The following CSMD3 variants were observed in gnomAD, a reference collection of about 807,000 sequenced individuals.
CSMD3 encodes CUB and Sushi multiple domains 3, also known as CUB and sushi domain-containing protein 3.
In CSMD3, 177 loss-of-function variants were observed where a neutral mutation model predicts 435.2. That is an observed-to-expected ratio of 0.41 (90% CI 0.36 to 0.46). The LOEUF is 0.46. Ranked by LOEUF, CSMD3 falls within the 20% of genes least tolerant of loss-of-function variation. CSMD3 has a pLI of 0.34. For missense variants in CSMD3, 4,265 were observed against 4,504.6 expected (o/e 0.95, Z 1.52); for synonymous variants, 1,656 against 1,520.5 (o/e 1.09, Z -2.07).
At chr8:113,225,651 T>G (rs1226268686) in intron 3 of CSMD3, among the ~76,000 whole-genome samples, 1 of 151,516 alleles carries the variant, frequency 6.6e-6, no homozygotes, top group African/African-American at 2.4e-5. Context: ...ATAGACAAAT[T>G]TCTTTGAGCG....
At chr8:112,468,398 C>T (rs1404830360) in intron 32 of CSMD3, among the ~76,000 whole-genome samples, 3 of 152,028 alleles carry the variant, frequency 2.0e-5, no homozygotes, top group Admixed American at 2.0e-4. Flanking sequence ...TTATACTCTA[C>T]TTTGACTGTC....
At chr8:112,566,673 C>T (rs7828694) in intron 24 of CSMD3, among the ~76,000 whole-genome samples, 7,502 of 150,816 alleles carry the variant, frequency 0.05, 226 homozygotes, top group African/African-American at 0.088. Context: ...GCAGTTGTGC[C>T]AATAGAAAAA....
chr8:113,040,618 C>A (rs1478216668), intron 5 of CSMD3, among the ~76,000 whole-genome samples: 4 of 152,016 alleles, frequency 2.6e-5, no homozygotes, highest in African/African-American at 9.7e-5. Context: ...TTGGTCTAAG[C>A]AATTGGAGAG....
intron 6 of CSMD3, among the ~76,000 whole-genome samples, chr8:112,977,968 A>T (rs1030147780): frequency 6.6e-6 from 1 of 151,998 alleles, no homozygotes; most frequent in African/African-American, 2.4e-5. Context: ...TAAACTGTAC[A>T]TTTGTGATGT....
chr8:112,903,829 T>C (rs1445097888), intron 10 of CSMD3, among the ~76,000 whole-genome samples: 2 of 151,336 alleles, frequency 1.3e-5, no homozygotes, highest in East Asian at 2.0e-4. Flanking sequence ...TTTTCTACCT[T>C]TATTCCGAAA....
At chr8:113,333,098 A>G (rs556328350) in intron 1 of CSMD3, among the ~76,000 whole-genome samples, 1 of 151,732 alleles carries the variant, frequency 6.6e-6, no homozygotes, top group Non-Finnish European at 1.5e-5. Flanking sequence ...TATTTAAAAA[A>G]ACACTTTCAT....
At chr8:112,463,345 G>A (rs529433342) in intron 32 of CSMD3, among the ~76,000 whole-genome samples, 2 of 151,896 alleles carry the variant, frequency 1.3e-5, no homozygotes, top group East Asian at 3.9e-4. Flanking sequence ...CTGGGCAACA[G>A]AGTAAGACTC....
chr8:112,710,015 G>A (rs1002199867), intron 13 of CSMD3, among the ~76,000 whole-genome samples: 12 of 152,140 alleles, frequency 7.9e-5, no homozygotes, highest in African/African-American at 2.4e-4. Flanking sequence ...CCTTAAGGAC[G>A]TGTAAGCCAT....
chr8:113,240,785 C>T (rs565715219), intron 3 of CSMD3, among the ~76,000 whole-genome samples: 1 of 152,196 alleles, frequency 6.6e-6, no homozygotes, highest in South Asian at 2.1e-4. Context: ...CTTTTCACTT[C>T]CAAATTATTC....
chr8:113,311,859 A>G (rs2093871918), intron 2 of CSMD3: 1 of 152,158 alleles, frequency 6.6e-6, no homozygotes, highest in African/African-American at 2.4e-5. Flanking sequence ...AGACTATATT[A>G]TAACATAGAC....
chr8:112,702,162 A>G (rs1038451858), intron 13 of CSMD3, among the ~76,000 whole-genome samples: 1 of 152,140 alleles, frequency 6.6e-6, no homozygotes, highest in African/African-American at 2.4e-5. Flanking sequence ...TCTTACATTT[A>G]ATCCTGACAC....
chr8:113,310,403 G>GA (rs1388074696), intron 2 of CSMD3: 4 of 151,580 alleles, frequency 2.6e-5, no homozygotes, highest in African/African-American at 9.7e-5. Flanking sequence ...TATTTGTGCA[G>GA]AAAAAACAGC....
At chr8:113,264,877 C>T (rs527768888) in intron 3 of CSMD3, among the ~76,000 whole-genome samples, 22 of 151,682 alleles carry the variant, frequency 1.5e-4, no homozygotes, top group Non-Finnish European at 1.8e-4. Flanking sequence ...ATGTATTAAA[C>T]CATTCCTCAT....
chr8:112,265,990 G>A (rs73709204), intron 59 of CSMD3, among the ~76,000 whole-genome samples: 1 of 151,838 alleles, frequency 6.6e-6, no homozygotes, highest in Non-Finnish European at 1.5e-5. Context: ...AATTTATCAG[G>A]CATGCTGGAT....
In CSMD3 at chr8:113,034,302, G is replaced by GT. The variant is rs534677188; in HGVS notation, c.918-15124dup. On this transcript the variant is annotated intron_variant, in intron 5 of 70. Transcript: ENST00000297405. ...ACCCAAAACTGGAAACAGCCCAATT[G>GT]TTCATCAACTGATGAATGTATACAC... 1.5e-4 allele frequency among the ~76,000 whole-genome samples: 22 copies of GT among 150,538 alleles called. No individual in the cohort carries two copies. The East Asian group carries it at 4.3e-3, about 29-fold the overall frequency.
rs564000978 is a variant in CSMD3 at position 113,197,783 on chromosome 8, A to C, written c.515-23867T>G. 4.0e-4 allele frequency among the ~76,000 whole-genome samples: 61 copies of C among 151,314 alleles called. 1 individual carries two copies. In the South Asian group the frequency reaches 0.012, roughly 30 times the overall value. ...GTAAACATCATATAATCATTTTATG[A>C]CAATCTTAATAGTTCAATATAATTT... is the stretch of plus-strand genomic sequence containing the variant. On this transcript the variant is annotated intron_variant, in intron 3 of 70. Transcript: ENST00000297405.
In CSMD3 at chr8:112,800,789, A is replaced by G. The variant is rs1342548087; in HGVS notation, c.1860-515T>C. Among the ~76,000 whole-genome samples the G allele has an allele frequency of 1.3e-5, 2 of 152,038 alleles. 1 individual carries two copies. The highest frequency in any genetic ancestry group is 2.9e-5 in the Non-Finnish European group (2 of 67,930). On this transcript the variant is annotated intron_variant, in intron 12 of 70. Coordinates refer to ENST00000297405, the MANE Select transcript of CSMD3 (RefSeq NM_198123.2). Reference sequence around the variant, plus strand: ...CTACATTATAGGCTGCCCATGTCACATATGTTTTTCTGTAAATAGTTTTAT... The same window carrying G: ...CTACATTATAGGCTGCCCATGTCACGTATGTTTTTCTGTAAATAGTTTTAT...
chr8:112,408,986 A>C lies in CSMD3; in HGVS notation c.5442T>G (p.Val1814=). ...GAGTTGGCCCATCATACACCTCAAC[A>C]ACATCGTGGAGTGATGTCTGGAAAA... ...FVFFQTSLHD[V]VEVYDGPTQQ... The change falls in exon 33 of 71, where the codon GTT becomes GTG. Residue 1814 remains valine, a synonymous_variant. Coordinates refer to ENST00000297405, the MANE Select transcript of CSMD3 (RefSeq NM_198123.2). 1 of 1,613,626 alleles carries C rather than the reference A, an allele frequency of 6.2e-7. No individual in the cohort carries two copies. Among genetic ancestry groups the C allele is most frequent in the Non-Finnish European group, 8.5e-7 (1 of 1,179,684 alleles).
At chr8:112,604,682 A>C (rs187391239) in intron 22 of CSMD3, among the ~76,000 whole-genome samples, 353 of 152,322 alleles carry the variant, frequency 2.3e-3, no homozygotes, top group African/African-American at 8.1e-3. Flanking sequence ...AAGCTATAAA[A>C]GTTCTGAAAG....
Sources: gnomAD v4.1 joint callset for allele counts (sites outside exome capture counted in the v4.1 genomes callset) on GRCh38, gnomAD v4.1.1 for gene constraint, MANE v1.5 for transcripts, NCBI Gene and HGNC (gene_info 2026-07-23, HGNC 2026-07-21) for gene names.